IQGAP2: variants seen among roughly 807,000 people sequenced by gnomAD.
IQGAP2 encodes the protein IQ motif containing GTPase activating protein 2, also known as ras GTPase-activating-like protein IQGAP2.
A neutral mutation model predicts 201.3 loss-of-function variants in IQGAP2; 173 were observed. The ratio of observed to expected loss-of-function variants is 0.86; its 90% CI spans 0.76 to 0.98. The LOEUF is 0.98. Ranked by LOEUF, IQGAP2 falls within the 50% of genes least tolerant of loss-of-function variation. The probability of loss-of-function intolerance (pLI) is 0.00; values close to 1 mark genes in which losing one functional copy is unlikely to be tolerated. For missense variants in IQGAP2, 1,687 were observed against 1,864.8 expected (o/e 0.90, Z 1.76); for synonymous variants, 675 against 673.9 (o/e 1.00, Z -0.03).
chr5:76,517,688 G>A (rs1314550373), intron 2 of IQGAP2, among the ~76,000 whole-genome samples: 2 of 152,024 alleles, frequency 1.3e-5, no homozygotes, highest in Non-Finnish European at 2.9e-5. Flanking sequence ...CACCAGAGGA[G>A]TTGGGAATTG....
Position 76,582,885 on chromosome 5 carries a change from T to C in IQGAP2, c.459-6021T>C, listed in dbSNP as rs115836959. ...CTTCCTGGACTTTAAGTGATATTATTTGTACAAGTAGGAGCACATGGGTCA... is the reference window on the plus strand; with the variant it reads ...CTTCCTGGACTTTAAGTGATATTATCTGTACAAGTAGGAGCACATGGGTCA... On this transcript the variant is annotated intron_variant, in intron 5 of 35. Transcript: ENST00000274364. Among the ~76,000 whole-genome samples, 587 of 152,348 alleles carry C rather than the reference T, an allele frequency of 3.9e-3. 3 individuals carry two copies. Among genetic ancestry groups the C allele is most frequent in the African/African-American group, 0.013 (530 of 41,582 alleles).
intron 1 of IQGAP2, among the ~76,000 whole-genome samples, chr5:76,429,689 G>A (rs1752251179): frequency 6.7e-6 from 1 of 149,298 alleles, no homozygotes; most frequent in Admixed American, 6.7e-5. Flanking sequence ...TCACCTTGAT[G>A]AAGGGTGTTA....
intron 2 of IQGAP2, among the ~76,000 whole-genome samples, chr5:76,546,107 C>G (rs1201834269): frequency 6.6e-6 from 1 of 152,200 alleles, no homozygotes; most frequent in Non-Finnish European, 1.5e-5. Context: ...TGCTTTATTT[C>G]CAGAAATGAA....
Position 76,590,469 on chromosome 5 carries a change from T to G in IQGAP2, c.702T>G (p.Val234=). 1 of 1,613,956 alleles carries G rather than the reference T, an allele frequency of 6.2e-7. No homozygotes were observed. The highest frequency in any genetic ancestry group is 8.5e-7 in the Non-Finnish European group (1 of 1,179,902). ...AAAAAGGAATAGCAGAGCAAACCGTTGTAACACTAAGAAACCCAAATGCGG... is the reference window on the plus strand; with the variant it reads ...AAAAAGGAATAGCAGAGCAAACCGTGGTAACACTAAGAAACCCAAATGCGG... ...AVEKGIAEQT[V]VTLRNPNAVL... The change falls in exon 8 of 36, where the codon GTT becomes GTG. Residue 234 remains valine (V), a synonymous_variant. Transcript: ENST00000274364.
chr5:76,404,985 A>G (rs556862663), intron 1 of IQGAP2, among the ~76,000 whole-genome samples: 1 of 152,306 alleles, frequency 6.6e-6, no homozygotes, highest in South Asian at 2.1e-4. Context: ...TGCAGTGCCA[A>G]CCTCAGGTTG....
intron 1 of IQGAP2, among the ~76,000 whole-genome samples, chr5:76,434,851 A>G (rs1752565524): frequency 7.1e-6 from 1 of 140,194 alleles, no homozygotes; most frequent in Non-Finnish European, 1.5e-5. Flanking sequence ...TTTTCACCAC[A>G]TCCGTAACAA....
intron 2 of IQGAP2, among the ~76,000 whole-genome samples, chr5:76,482,316 T>A (rs1022479038): frequency 6.6e-6 from 1 of 152,204 alleles, no homozygotes; most frequent in Non-Finnish European, 1.5e-5. Flanking sequence ...AAATATATGC[T>A]TATAAAGTGG....
At chr5:76,471,476 T>C (rs1394089038) in intron 2 of IQGAP2, among the ~76,000 whole-genome samples, 1 of 151,966 alleles carries the variant, frequency 6.6e-6, no homozygotes, top group Non-Finnish European at 1.5e-5. Flanking sequence ...TTGGTGAGTC[T>C]GGGACAGTTA....
At chr5:76,524,050 C>A (rs1007404450) in intron 2 of IQGAP2, among the ~76,000 whole-genome samples, 4 of 152,136 alleles carry the variant, frequency 2.6e-5, no homozygotes, top group Admixed American at 2.0e-4. Context: ...GTCTATAAAT[C>A]TGGGGCATGT....
At chr5:76,509,522 G>A (rs996040573) in intron 2 of IQGAP2, among the ~76,000 whole-genome samples, 19 of 151,662 alleles carry the variant, frequency 1.3e-4, no homozygotes, top group Admixed American at 9.9e-4. Context: ...TCAGCCTCCC[G>A]AGTAGACTAC....
At chr5:76,679,818 A>G (rs528650055) in intron 28 of IQGAP2, among the ~76,000 whole-genome samples, 7 of 152,138 alleles carry the variant, frequency 4.6e-5, no homozygotes, top group Non-Finnish European at 1.0e-4. Context: ...CTTTGAATCA[A>G]CTCACCTTTT....
At chr5:76,545,681 T>C (rs1743050870) in intron 2 of IQGAP2, among the ~76,000 whole-genome samples, 5 of 152,228 alleles carry the variant, frequency 3.3e-5, no homozygotes, top group Admixed American at 1.3e-4. Context: ...GTGAATCCAC[T>C]TCATTGCTAT....
chr5:76,439,055 CATT>C (rs70982609), intron 1 of IQGAP2, among the ~76,000 whole-genome samples: 108,736 of 143,378 alleles, frequency 0.76, 42,967 homozygotes, highest in Non-Finnish European at 0.89. Context: ...TAACTTGTGT[CATT>C]ATTATCATTC....
rs1163089371 is a variant in IQGAP2 at position 76,403,651 on chromosome 5, G to A, written c.46+60G>A. The A allele has an allele frequency of 2.9e-6, 4 of 1,370,132 alleles. No homozygotes were observed. The highest frequency in any genetic ancestry group is 3.0e-5 in the East Asian group (1 of 33,726). The allele number at this position is 1,370,132 out of a possible 1,614,324, so 84.9% of individuals were successfully genotyped here. ...CTTGGGGAGCTCCCTCCCCGAGGAC[G>A]GCGTTGGAGAAGCCGAGGGAGCCGG... On this transcript the variant is annotated intron_variant, in intron 1 of 35. Transcript: ENST00000274364. The surrounding 1 kb of genome is among the most constrained non-coding windows in gnomAD (Gnocchi z 4.8).
At chr5:76,466,185 T>G (rs1366094314) in intron 2 of IQGAP2, among the ~76,000 whole-genome samples, 3 of 149,214 alleles carry the variant, frequency 2.0e-5, no homozygotes, top group Non-Finnish European at 4.5e-5. Flanking sequence ...AAAAAAAAAA[T>G]TTTGAATTAG....
At chr5:76,441,902 A>G (rs1376130310) in intron 1 of IQGAP2, among the ~76,000 whole-genome samples, 1 of 152,202 alleles carries the variant, frequency 6.6e-6, no homozygotes, top group Non-Finnish European at 1.5e-5. Flanking sequence ...GAGGACTAGG[A>G]AAATGGTACT....
chr5:76,541,492 A>T (rs1479394289), intron 2 of IQGAP2, among the ~76,000 whole-genome samples: 1 of 152,228 alleles, frequency 6.6e-6, no homozygotes, highest in Non-Finnish European at 1.5e-5. Context: ...TGCAGTTAAC[A>T]TGGGGTGCAG....
At chr5:76,617,114 C>T (rs1749053856) in intron 13 of IQGAP2, 1 of 155,296 alleles carries the variant, frequency 6.4e-6, no homozygotes, top group Admixed American at 6.3e-5. Context: ...TTTTCTCCTG[C>T]ATTAACATTT....
intron 5 of IQGAP2, among the ~76,000 whole-genome samples, chr5:76,576,717 T>G (rs1053351158): frequency 6.6e-6 from 1 of 152,194 alleles, no homozygotes; most frequent in African/African-American, 2.4e-5. Context: ...TTTGACTTTT[T>G]CCCCCAGTCA....
Sources: allele counts gnomAD v4.1 joint callset (sites outside exome capture counted in the v4.1 genomes callset), GRCh38; gene constraint gnomAD v4.1.1; non-coding constraint Gnocchi (gnomAD v3.1); transcripts MANE v1.5; gene names NCBI Gene and HGNC (gene_info 2026-07-23, HGNC 2026-07-21).